Variants in PDS5A observed in about 807,000 individuals in gnomAD.
PDS5A encodes PDS5 cohesin associated factor A, also known as sister chromatid cohesion protein PDS5 homolog A.
In PDS5A, 42 loss-of-function variants were observed where a neutral mutation model predicts 167.1. That is an observed-to-expected ratio of 0.25 (90% CI 0.20 to 0.33). PDS5A has a LOEUF of 0.33. Among genes scored for constraint, PDS5A ranks in the 10% least tolerant of loss-of-function variants. PDS5A has a pLI of 1.00. For missense variants in PDS5A, 1,033 were observed against 1,605.9 expected, an observed-to-expected ratio of 0.64 and a Z score of 6.10; for synonymous variants, 553 against 554.6, an observed-to-expected ratio of 1.00 and a Z score of 0.04.
chr4:39,844,113 G>A (rs916658049), intron 30 of PDS5A, among the ~76,000 whole-genome samples: 1 of 151,902 alleles, frequency 6.6e-6, no homozygotes, highest in Non-Finnish European at 1.5e-5. Context: ...TCCTGCCACT[G>A]CCCTCCAGCC....
Position 39,899,845 on chromosome 4 carries a change from G to T in PDS5A, c.1581+581C>A, listed in dbSNP as rs1434596160. Among the ~76,000 whole-genome samples, 3 of 115,236 alleles carry T rather than the reference G, an allele frequency of 2.6e-5. No homozygotes were observed. In the Admixed American group the frequency reaches 3.0e-4, roughly 12 times the overall value. The allele number at this position is 115,236 out of a possible 152,430, so 75.6% of individuals were successfully genotyped here. On this transcript the variant is annotated intron_variant, in intron 14 of 32. Coordinates refer to ENST00000303538, the MANE Select transcript of PDS5A (RefSeq NM_001100399.2). ...AGCCTGGGCAACAGAGTAAGATCCT[G>T]TGTATTAAAAAAAAAAAAAAAAAAA...
intron 21 of PDS5A, among the ~76,000 whole-genome samples, chr4:39,872,336 C>T (rs1044133567): frequency 1.5e-4 from 23 of 152,038 alleles, no homozygotes; most frequent in African/African-American, 5.3e-4. Flanking sequence ...TCACCACACC[C>T]GGCTAATCCA....
intron 2 of PDS5A, among the ~76,000 whole-genome samples, chr4:39,929,536 T>TATATATATATATATATAC (rs1725792473): frequency 8.6e-6 from 1 of 116,670 alleles, no homozygotes; most frequent in Non-Finnish European, 1.7e-5. Context: ...TATATATATA[T>TATATATATATATATATAC]ATATATATAT....
rs1359259560 is a variant in PDS5A, at chr4:39,900,455, C to T, written c.1552G>A (p.Glu518Lys). ...CQNMLRSHVR[E>K]LLDLHKQPTS... ...GGCTGCTTGTGCAAATCCAATAGTT[C>T]GCGTACATGGCTCCGAAGCATGTTC... Residue 518 changes from glutamate to lysine, a missense_variant, in exon 14 of 33, where the codon GAA (glutamate) becomes AAA (lysine). Transcript: ENST00000303538. 3 of 1,583,332 alleles carry T rather than the reference C, an allele frequency of 1.9e-6. No homozygotes were observed. The highest frequency in any genetic ancestry group is 3.6e-5 in the Admixed American group (2 of 55,636).
At chr4:39,930,250 T>TTTTG (rs1560493886) in intron 2 of PDS5A, among the ~76,000 whole-genome samples, 17 of 109,790 alleles carry the variant, frequency 1.5e-4, no homozygotes, top group Non-Finnish European at 2.9e-4. Context: ...AAAAAAAGTT[T>TTTTG]TTTTGTTTTT....
At chr4:39,826,677 G>A (rs894525567) in intron 32 of PDS5A, among the ~76,000 whole-genome samples, 7 of 151,878 alleles carry the variant, frequency 4.6e-5, no homozygotes, top group Admixed American at 6.6e-5. Flanking sequence ...AGTAGAGACG[G>A]TGTTTCACCA....
In PDS5A at chr4:39,890,379, G is replaced by A; in HGVS notation, c.1771-15C>T. The A allele has an allele frequency of 7.4e-7, 1 of 1,360,054 alleles. No homozygotes were observed. Among genetic ancestry groups the A allele is most frequent in the Non-Finnish European group, 1.0e-6 (1 of 978,022 alleles). The allele number at this position is 1,360,054 out of a possible 1,614,324, so 84.2% of individuals were successfully genotyped here. ...GCTATTTCTCTCTATAGAAAGAAAG[G>A]AGTTTTACCAAAAACGTGATTTGCT... On this transcript the variant is annotated splice_polypyrimidine_tract_variant and intron_variant, in intron 16 of 32. Coordinates refer to ENST00000303538, the MANE Select transcript of PDS5A (RefSeq NM_001100399.2).
intron 8 of PDS5A, among the ~76,000 whole-genome samples, chr4:39,916,342 T>C (rs1448309352): frequency 6.6e-6 from 1 of 152,212 alleles, no homozygotes; most frequent in Non-Finnish European, 1.5e-5. Flanking sequence ...TATACTATTT[T>C]TAGGACAGTC....
At chr4:39,907,582 TTTC>T (rs149572895) in intron 11 of PDS5A, among the ~76,000 whole-genome samples, 29,318 of 142,076 alleles carry the variant, frequency 0.21, 3,359 homozygotes, top group Middle Eastern at 0.32. Flanking sequence ...CATGTTTTCT[TTTC>T]TTTTCTTTTT....
Position 39,925,966 on chromosome 4 carries a change from CATAT to C in PDS5A, c.430-37_430-34del, listed in dbSNP as rs757362030. 16 of 698,788 alleles carry C rather than the reference CATAT, an allele frequency of 2.3e-5. No homozygotes were observed. In the South Asian group the frequency reaches 4.6e-4, roughly 20 times the overall value. The allele number at this position is 698,788 out of a possible 1,614,324, so 43.3% of individuals were successfully genotyped here. A position where few individuals can be genotyped will look rare whatever the true frequency, so the allele number is the denominator to read the frequency against. ...AAATAAAAATAATTATTGAATTATA[CATAT>C]ATACAGAATAGTTATATAATAAAAA... On this transcript the variant is annotated intron_variant, in intron 4 of 32. Coordinates refer to ENST00000303538, the MANE Select transcript of PDS5A (RefSeq NM_001100399.2).
rs58069502 is a variant in PDS5A, at chr4:39,929,519, C to CTATATATATATATATA, written c.139-1371_139-1356dup. On this transcript the variant is annotated intron_variant, in intron 2 of 32. Coordinates refer to ENST00000303538, the MANE Select transcript of PDS5A (RefSeq NM_001100399.2). ...GCCTTGTGAGTTAATACTTAATAAA[C>CTATATATATATATATA]TATATATATATATATATATATATAT... 4.8e-3 allele frequency among the ~76,000 whole-genome samples: 384 copies of CTATATATATATATATA among 79,214 alleles called. 3 individuals carry two copies. The highest frequency in any genetic ancestry group is 5.7e-3 in the Non-Finnish European group (262 of 45,868). The allele number at this position is 79,214 out of a possible 152,430, so 52.0% of individuals were successfully genotyped here. A position where few individuals can be genotyped will look rare whatever the true frequency, so the allele number is the denominator to read the frequency against.
intron 26 of PDS5A, among the ~76,000 whole-genome samples, chr4:39,855,904 C>A: frequency 6.6e-6 from 1 of 151,882 alleles, no homozygotes; most frequent in East Asian, 1.9e-4. Flanking sequence ...CAGAAAGTAG[C>A]AGAAAAAATA....
intron 26 of PDS5A, among the ~76,000 whole-genome samples, chr4:39,852,987 T>C (rs1038274999): frequency 2.6e-5 from 4 of 152,188 alleles, no homozygotes; most frequent in African/African-American, 9.6e-5. Flanking sequence ...AAATTATAAA[T>C]TCACTGCAGC....
chr4:39,863,858 T>C (rs557849105), intron 23 of PDS5A, among the ~76,000 whole-genome samples: 1 of 152,262 alleles, frequency 6.6e-6, no homozygotes, highest in Non-Finnish European at 1.5e-5. Flanking sequence ...TGGCCAGGCA[T>C]GGTGGCTCAC....
chr4:39,845,450 T>C (rs1179630035), intron 29 of PDS5A, among the ~76,000 whole-genome samples: 1 of 152,198 alleles, frequency 6.6e-6, no homozygotes, highest in Non-Finnish European at 1.5e-5. Flanking sequence ...AATTTCCTTT[T>C]GCTGTTTTAG....
chr4:39,835,711 T>C (rs50297), intron 32 of PDS5A, among the ~76,000 whole-genome samples: 48,443 of 152,002 alleles, frequency 0.32, 8,452 homozygotes, highest in Middle Eastern at 0.45. Flanking sequence ...TTAGTAGAAA[T>C]GGGGTTTCTC....
At chr4:39,849,969 T>C (rs1438425476) in intron 26 of PDS5A, among the ~76,000 whole-genome samples, 3 of 152,084 alleles carry the variant, frequency 2.0e-5, no homozygotes, top group South Asian at 2.1e-4. Flanking sequence ...GGTGGGTAGA[T>C]TGCCTGAACC....
At chr4:39,871,160 A>G (rs146046916) in intron 21 of PDS5A, among the ~76,000 whole-genome samples, 1 of 152,302 alleles carries the variant, frequency 6.6e-6, no homozygotes, top group Admixed American at 6.5e-5. Context: ...CTTAATGGGT[A>G]CAGAGTTTCT....
chr4:39,874,950 G>T (rs559178474), intron 19 of PDS5A, among the ~76,000 whole-genome samples: 1 of 152,072 alleles, frequency 6.6e-6, no homozygotes, highest in African/African-American at 2.4e-5. Context: ...AGGTATTTCC[G>T]CATGGATTAA....
Sources: allele counts gnomAD v4.1 joint callset (sites outside exome capture counted in the v4.1 genomes callset), GRCh38; gene constraint gnomAD v4.1.1; transcripts MANE v1.5; gene names NCBI Gene and HGNC (gene_info 2026-07-23, HGNC 2026-07-21).